TRPC4AP: variants seen among roughly 807,000 people sequenced by gnomAD.
TRPC4AP encodes short transient receptor potential channel 4-associated protein.
TRPC4AP carries 45 observed loss-of-function variants against 99.0 expected under a neutral mutation model. The ratio of observed to expected loss-of-function variants is 0.45; its 90% confidence interval spans 0.36 to 0.58. The LOEUF is 0.58. TRPC4AP is among the 20% of genes least tolerant of loss of function. The probability of loss-of-function intolerance (pLI) is 0.00; values close to 1 mark genes in which losing one functional copy is unlikely to be tolerated. For missense variants in TRPC4AP, 879 were observed against 985.3 expected (o/e 0.89, Z 1.44); for synonymous variants, 408 against 385.8 (o/e 1.06, Z -0.67).
At chr20:35,031,390 C>CTTTTTTTTTTT (rs71299218) in intron 8 of TRPC4AP, among the ~76,000 whole-genome samples, 1 of 73,658 alleles carries the variant, frequency 1.4e-5, no homozygotes, top group Non-Finnish European at 2.5e-5. Context: ...CCCTGGTTAA[C>CTTTTTTTTTTT]TTTTTTTTTT....
chr20:35,063,774 T>C (rs1213484614), intron 3 of TRPC4AP, among the ~76,000 whole-genome samples: 1 of 152,070 alleles, frequency 6.6e-6, no homozygotes, highest in East Asian at 1.9e-4. Context: ...GGCAGGAGGA[T>C]CACTAGAGCC....
chr20:35,078,289 T>G (rs1279450464), intron 1 of TRPC4AP, 115 bp from the exon 2 acceptor site: 29 of 1,031,778 alleles, frequency 2.8e-5, no homozygotes, highest in Non-Finnish European at 3.9e-5. Flanking sequence ...AATTTATCTC[T>G]AAGCACTACT....
chr20:35,003,166 T>C lies in TRPC4AP; in HGVS notation c.2374A>G (p.Arg792Gly). 6.2e-7 allele frequency: 1 copy of C among 1,614,186 alleles called. No homozygotes were observed. The change falls in exon 19 of 19, where the codon AGG becomes GGG. Residue 792 changes from arginine (R) to glycine (G), a missense_variant. Arg to Gly is a moderately radical substitution (Grantham distance 125). Coordinates refer to ENST00000252015, the MANE Select transcript of TRPC4AP (RefSeq NM_015638.3). ...CAAGGTCACTCCTCAGTGAAGTCCC[T>C]GTCTATGTCCATGTAGGGCTCCTCA... is the stretch of plus-strand genomic sequence containing the variant. Reference protein sequence around the residue: ...YIEEPYMDIDRDFTEE With the variant: ...YIEEPYMDIDGDFTEE
chr20:35,075,664 G>A (rs190766899), intron 2 of TRPC4AP, among the ~76,000 whole-genome samples: 6 of 152,270 alleles, frequency 3.9e-5, no homozygotes, highest in African/African-American at 7.2e-5. Context: ...TGGGTAACCC[G>A]ACCTTTCTCT....
chr20:35,092,570 CG>C, intron 1 of TRPC4AP, 43 bp downstream of exon 1: 1 of 1,423,802 alleles, frequency 7.0e-7, no homozygotes, highest in Non-Finnish European at 9.1e-7. Context: ...CGCCAGCTCC[CG>C]CCTGGTCCGC....
intron 3 of TRPC4AP, among the ~76,000 whole-genome samples, chr20:35,064,192 T>A (rs2084081082): frequency 6.6e-6 from 1 of 152,218 alleles, no homozygotes; most frequent in African/African-American, 2.4e-5. Context: ...TTTATTATTG[T>A]TTAAATCAAG....
intron 5 of TRPC4AP, among the ~76,000 whole-genome samples, chr20:35,052,091 T>A (rs2147381773): frequency 6.7e-6 from 1 of 149,358 alleles, no homozygotes; most frequent in East Asian, 2.0e-4. Flanking sequence ...TCATAGGTTT[T>A]TTTTTGGTTT....
chr20:35,051,088 C>T (rs1299812338), intron 5 of TRPC4AP, among the ~76,000 whole-genome samples: 1 of 151,924 alleles, frequency 6.6e-6, no homozygotes, highest in Non-Finnish European at 1.5e-5. Flanking sequence ...CCCACCCCTA[C>T]TGCCTTAAGG....
chr20:35,009,981 G>A (rs2082596177), intron 12 of TRPC4AP, among the ~76,000 whole-genome samples: 3 of 152,220 alleles, frequency 2.0e-5, no homozygotes, highest in Admixed American at 1.3e-4. Flanking sequence ...GTACTGATGG[G>A]GCTCCCCTCC....
chr20:35,078,019 C>T (rs367936626), intron 2 of TRPC4AP, 27 bp downstream of exon 2: 410 of 1,578,202 alleles, frequency 2.6e-4, no homozygotes, highest in Non-Finnish European at 2.9e-4. Flanking sequence ...GCCCTGAATA[C>T]GCCCCTCCAA....
chr20:35,091,364 C>G (rs1460150013), intron 1 of TRPC4AP, among the ~76,000 whole-genome samples: 1 of 152,168 alleles, frequency 6.6e-6, no homozygotes, highest in South Asian at 2.1e-4. Flanking sequence ...ACAACTGCTC[C>G]TTTCGTCCAC....
intron 2 of TRPC4AP, among the ~76,000 whole-genome samples, chr20:35,075,544 T>G (rs2084453658): frequency 6.6e-6 from 1 of 152,226 alleles, no homozygotes; most frequent in Non-Finnish European, 1.5e-5. Flanking sequence ...TATGAAACTC[T>G]GGGTTGAAAA....
In TRPC4AP at chr20:35,012,668, G is replaced by A. The variant is rs116130126; in HGVS notation, c.1409+340C>T. Among the ~76,000 whole-genome samples the A allele has an allele frequency of 1.7e-3, 261 of 152,278 alleles. 4 individuals are homozygous for A. The highest frequency in any genetic ancestry group is 5.9e-3 in the African/African-American group (247 of 41,562). On this transcript the variant is annotated intron_variant, in intron 11 of 18. Coordinates refer to ENST00000252015, the MANE Select transcript of TRPC4AP (RefSeq NM_015638.3). ...GCTTTGCCTGTCTGAAGTTCCTGCC[G>A]GCCCCTGGGAATAGCCACGCTGTCC... is the stretch of plus-strand genomic sequence containing the variant.
At chr20:35,011,993 T>C (rs539307681) in intron 11 of TRPC4AP, among the ~76,000 whole-genome samples, 54 of 152,330 alleles carry the variant, frequency 3.5e-4, no homozygotes, top group African/African-American at 1.1e-3. Context: ...CTGCCCTTCA[T>C]GAGAGCAGGG....
At chr20:35,086,258 CTAAA>C (rs2084842969) in intron 1 of TRPC4AP, among the ~76,000 whole-genome samples, 1 of 151,950 alleles carries the variant, frequency 6.6e-6, no homozygotes. Flanking sequence ...CGCACCCAGC[CTAAA>C]TAGATATCTT....
chr20:35,061,826 C>G (rs150407327), intron 3 of TRPC4AP, among the ~76,000 whole-genome samples: 12 of 152,148 alleles, frequency 7.9e-5, no homozygotes, highest in African/African-American at 2.4e-5. Context: ...ACACCAATAC[C>G]CAAGTAACAA....
chr20:35,060,463 C>A (rs942186683), intron 3 of TRPC4AP, among the ~76,000 whole-genome samples: 2 of 151,684 alleles, frequency 1.3e-5, no homozygotes, highest in South Asian at 2.1e-4. Context: ...TGGTAGCATG[C>A]TCCTGTAGTC....
At position 35,069,425 on chromosome 20, in the gene TRPC4AP, A is replaced by T. The variant is rs779091416; in HGVS notation, c.298-13T>A. On this transcript the variant is annotated splice_polypyrimidine_tract_variant and intron_variant, in intron 2 of 18. Coordinates refer to ENST00000252015, the MANE Select transcript of TRPC4AP (RefSeq NM_015638.3). Reference sequence around the variant, plus strand: ...GAGGAGAAATTTCCTAGTTTTTTTAAAAAAAAGTACATACATTGTTTTAGT... The same window carrying T: ...GAGGAGAAATTTCCTAGTTTTTTTATAAAAAAGTACATACATTGTTTTAGT... The T allele has an allele frequency of 3.3e-6, 5 of 1,532,032 alleles. No homozygotes were observed. Among genetic ancestry groups the T allele is most frequent in the Non-Finnish European group, 4.5e-6 (5 of 1,108,538 alleles). 94.9% of individuals were successfully genotyped at this position (1,532,032 alleles called of 1,614,324 possible). A position where few individuals can be genotyped will look rare whatever the true frequency, so the allele number is the denominator to read the frequency against.
intron 7 of TRPC4AP, among the ~76,000 whole-genome samples, chr20:35,038,074 G>C (rs2083362627): frequency 1.3e-5 from 2 of 150,746 alleles, no homozygotes; most frequent in Non-Finnish European, 3.0e-5. Flanking sequence ...GGGAGAAGGG[G>C]TAATGGGAAG....
Sources: allele counts gnomAD v4.1 joint callset (sites outside exome capture counted in the v4.1 genomes callset), GRCh38; gene constraint gnomAD v4.1.1; transcripts MANE v1.5; gene names NCBI Gene and HGNC (gene_info 2026-07-23, HGNC 2026-07-21).